The following MAP3K13 variants were observed in gnomAD, a reference collection of about 807,000 sequenced individuals.
The protein encoded by MAP3K13 is mitogen-activated protein kinase kinase kinase 13, also known as leucine zipper-bearing kinase.
A neutral mutation model predicts 104.0 loss-of-function variants in MAP3K13; 52 were observed. The observed-to-expected ratio is 0.50, with a 90% CI of 0.40 to 0.63. The LOEUF (loss-of-function observed/expected upper bound fraction) is 0.63. MAP3K13 is among the 20% of genes least tolerant of loss of function. The pLI is 0.00. For synonymous variants in MAP3K13, 394 were observed against 442.2 expected (o/e 0.89, Z 1.37); for missense variants, 914 against 1,218.5 (o/e 0.75, Z 3.72).
chr3:185,465,882 G>A lies in MAP3K13; in HGVS notation c.1505+19G>A, dbSNP rs762732904. On this transcript the variant is annotated intron_variant, in intron 9 of 13. Coordinates refer to ENST00000265026, the MANE Select transcript of MAP3K13 (RefSeq NM_004721.5). ...TCATTAAGTATGTATCCAGACTAGT[G>A]TCTGTTCTTACTGATTTGAGTCTGT... 6.5e-7 allele frequency: 1 copy of A among 1,543,002 alleles called. No individual in the cohort carries two copies. Among genetic ancestry groups the A allele is most frequent in the Non-Finnish European group, 9.0e-7 (1 of 1,115,398 alleles).
chr3:185,432,631 A>T (rs954029993), intron 2 of MAP3K13, among the ~76,000 whole-genome samples: 1 of 152,100 alleles, frequency 6.6e-6, no homozygotes, highest in Non-Finnish European at 1.5e-5. Context: ...TAATTTGAAG[A>T]TCTCAGGATC....
chr3:185,412,763 AT>A (rs1431665229), intron 1 of MAP3K13, among the ~76,000 whole-genome samples: 1 of 152,218 alleles, frequency 6.6e-6, no homozygotes, highest in African/African-American at 2.4e-5. Context: ...AAAATTCGAC[AT>A]TGGATCCAGA....
In MAP3K13 at chr3:185,484,704, T is replaced by C. The variant is rs1718639913; in HGVS notation, c.*2248T>C. On this transcript the variant is annotated 3_prime_UTR_variant, in exon 14 of 14. Transcript: ENST00000265026. ...ATACAAAGAGCAGTATTGTTTGCAT[T>C]AATTTATTCCATTTTGTAAAAATTC... The C allele has an allele frequency of 6.6e-6, 1 of 152,262 alleles. No individual in the cohort carries two copies. Among genetic ancestry groups the C allele is most frequent in the Admixed American group, 6.5e-5 (1 of 15,288 alleles). The allele number at this position is 152,262 out of a possible 1,614,324, so 9.4% of individuals were successfully genotyped here.
rs1291432780 is a variant in MAP3K13, at chr3:185,484,171, C to A, written c.*1715C>A. On this transcript the variant is annotated 3_prime_UTR_variant, in exon 14 of 14. Transcript: ENST00000265026. ...TCCAAATCAATGCAGTTTTAAATAA[C>A]TGGATTTGAACATTTGTGGAAAGAA... 6.6e-6 allele frequency: 1 copy of A among 152,074 alleles called. No individual in the cohort carries two copies. The highest frequency in any genetic ancestry group is 2.4e-5 in the African/African-American group (1 of 41,404). The allele number at this position is 152,074 out of a possible 1,614,324, so 9.4% of individuals were successfully genotyped here.
intron 2 of MAP3K13, among the ~76,000 whole-genome samples, chr3:185,322,475 T>G (rs1721902505): frequency 6.6e-6 from 1 of 152,236 alleles, no homozygotes. Context: ...CTGCTCCTTT[T>G]CAAAATCCTC....
intron 1 of MAP3K13, among the ~76,000 whole-genome samples, chr3:185,284,778 T>A (rs1237328755): frequency 6.6e-6 from 1 of 151,642 alleles, no homozygotes; most frequent in East Asian, 1.9e-4. Context: ...AAATTAATTT[T>A]AAAAATGTGA....
At chr3:185,313,570 ATAGTACAAT>A (rs1472721894) in intron 2 of MAP3K13, among the ~76,000 whole-genome samples, 1 of 152,030 alleles carries the variant, frequency 6.6e-6, no homozygotes, top group Non-Finnish European at 1.5e-5. Context: ...CACCCTGCCA[ATAGTACAAT>A]TTTTATTTGG....
At chr3:185,478,060 TGGGA>T (rs938729029) in intron 12 of MAP3K13, among the ~76,000 whole-genome samples, 1 of 152,206 alleles carries the variant, frequency 6.6e-6, no homozygotes, top group African/African-American at 2.4e-5. Flanking sequence ...CCGATGGATT[TGGGA>T]GGAAGGCAAT....
chr3:185,307,474 A>T (rs748770903), intron 2 of MAP3K13, among the ~76,000 whole-genome samples: 3 of 150,262 alleles, frequency 2.0e-5, no homozygotes, highest in Non-Finnish European at 2.9e-5. Context: ...TTGCTGTTGA[A>T]TCTGCTTAGT....
At chr3:185,391,577 G>C (rs1712055103) in intron 1 of MAP3K13, among the ~76,000 whole-genome samples, 1 of 152,150 alleles carries the variant, frequency 6.6e-6, no homozygotes, top group Non-Finnish European at 1.5e-5. Context: ...TTATTACAAA[G>C]TTACTGTTTT....
chr3:185,300,991 A>C (rs1192661638), intron 2 of MAP3K13, among the ~76,000 whole-genome samples: 1 of 152,116 alleles, frequency 6.6e-6, no homozygotes, highest in Non-Finnish European at 1.5e-5. Flanking sequence ...GTCATATGGT[A>C]ATTCTATTTT....
At chr3:185,379,185 C>T (rs199688264) in intron 1 of MAP3K13, among the ~76,000 whole-genome samples, 2 of 152,096 alleles carry the variant, frequency 1.3e-5, no homozygotes, top group South Asian at 2.1e-4. Context: ...GGCGTCCCTG[C>T]GGAGATCAGA....
chr3:185,308,300 T>A (rs1363917978), intron 2 of MAP3K13, among the ~76,000 whole-genome samples: 2 of 152,102 alleles, frequency 1.3e-5, no homozygotes, highest in African/African-American at 4.8e-5. Flanking sequence ...AGGCACTTGC[T>A]CCCTCTGGTG....
At position 185,363,345 on chromosome 3, in the gene MAP3K13, C is replaced by G. The variant is rs1723724667; in HGVS notation, c.-109C>G. ...TTTTCAAAGCAAGAAAATGGAACAG[C>G]ATGTGTAGGAATTCTTCGTTGTTGT... On this transcript the variant is annotated 5_prime_UTR_variant, in exon 1 of 14. Coordinates refer to ENST00000265026, the MANE Select transcript of MAP3K13 (RefSeq NM_004721.5). The G allele has an allele frequency of 1.0e-6, 1 of 985,116 alleles. No individual in the cohort carries two copies. The highest frequency in any genetic ancestry group is 1.2e-6 in the Non-Finnish European group (1 of 829,814). 61.0% of individuals were successfully genotyped at this position (985,116 alleles called of 1,614,324 possible).
Position 185,383,479 on chromosome 3 carries a change from G to A in MAP3K13, c.-86+20111G>A, listed in dbSNP as rs566339694. 5.9e-5 allele frequency among the ~76,000 whole-genome samples: 9 copies of A among 151,316 alleles called. No individual in the cohort carries two copies. The South Asian group carries it at 1.0e-3, about 18-fold the overall frequency. On this transcript the variant is annotated intron_variant, in intron 1 of 13. Transcript: ENST00000265026. ...CGGGAGGCTGAGGCAGGAGAATGGC[G>A]TGAACCCGGGAGGCGGAGCTTGCTG...
At chr3:185,472,658 G>A (rs561258442) in intron 10 of MAP3K13, among the ~76,000 whole-genome samples, 1 of 152,136 alleles carries the variant, frequency 6.6e-6, no homozygotes, top group Non-Finnish European at 1.5e-5. Context: ...AATCGTAGCA[G>A]AATTCATGTT....
At chr3:185,480,192 G>C (rs765582262) in intron 12 of MAP3K13, 40 bp from the exon 13 acceptor site, 2 of 1,583,672 alleles carry the variant, frequency 1.3e-6, no homozygotes, top group South Asian at 2.3e-5. Flanking sequence ...AAAAGCAGTT[G>C]TTCCTCTGAC....
chr3:185,337,053 C>T (rs1262705588), intron 2 of MAP3K13, among the ~76,000 whole-genome samples: 1 of 151,890 alleles, frequency 6.6e-6, no homozygotes, highest in Non-Finnish European at 1.5e-5. Context: ...AATTTAAAGA[C>T]TAAATCTTTT....
At chr3:185,295,184 ATTTGTTGTTGTT>A (rs1720876216) in intron 2 of MAP3K13, among the ~76,000 whole-genome samples, 3 of 151,452 alleles carry the variant, frequency 2.0e-5, no homozygotes, top group South Asian at 4.2e-4. Flanking sequence ...TCTTCAGGGT[ATTTGTTGTTGTT>A]TTTGTTGTTG....
Sources: gnomAD v4.1 joint callset for allele counts (sites outside exome capture counted in the v4.1 genomes callset) on GRCh38, gnomAD v4.1.1 for gene constraint, MANE v1.5 for transcripts, NCBI Gene and HGNC (gene_info 2026-07-23, HGNC 2026-07-21) for gene names.